The following FUBP3 variants were observed in gnomAD, a reference collection of about 807,000 sequenced individuals.
The protein encoded by FUBP3 is far upstream element-binding protein 3.
A neutral mutation model predicts 85.6 loss-of-function variants in FUBP3; 28 were observed. The ratio of observed to expected loss-of-function variants is 0.33; its 90% CI spans 0.24 to 0.45. The LOEUF (loss-of-function observed/expected upper bound fraction) is 0.45. Ranked by LOEUF, FUBP3 falls within the 20% of genes least tolerant of loss-of-function variation. The pLI is 1.00. For synonymous variants in FUBP3, 271 were observed against 271.4 expected (o/e 1.00, Z 0.01); for missense variants, 583 against 755.1 (o/e 0.77, Z 2.67).
At chr9:130,617,752 G>T in intron 7 of FUBP3, 45 bp from the exon 8 acceptor site, 1 of 1,163,844 alleles carries the variant, frequency 8.6e-7, no homozygotes, top group South Asian at 1.2e-5. Flanking sequence ...TGCATTTCAT[G>T]CCCTGCATTA....
At chr9:130,586,304 ATAAG>A (rs1308653567) in intron 1 of FUBP3, among the ~76,000 whole-genome samples, 1 of 152,266 alleles carries the variant, frequency 6.6e-6, no homozygotes, top group Non-Finnish European at 1.5e-5. Context: ...CAGTGCAAAG[ATAAG>A]TAAGACAAGT....
At chr9:130,603,804 G>A (rs571816782) in intron 2 of FUBP3, among the ~76,000 whole-genome samples, 1 of 152,302 alleles carries the variant, frequency 6.6e-6, no homozygotes, top group South Asian at 2.1e-4. Context: ...GGTTTCCAGA[G>A]TTCAACTTGA....
intron 1 of FUBP3, among the ~76,000 whole-genome samples, chr9:130,590,306 T>C (rs549016702): frequency 6.6e-6 from 1 of 152,320 alleles, no homozygotes; most frequent in South Asian, 2.1e-4. Context: ...CTTAAAGGTC[T>C]TGCCCAAGGT....
chr9:130,598,070 A>G (rs1830957662), intron 2 of FUBP3, among the ~76,000 whole-genome samples: 1 of 152,256 alleles, frequency 6.6e-6, no homozygotes, highest in African/African-American at 2.4e-5. Context: ...AATATAAATG[A>G]ACCCGAGGTT....
chr9:130,610,559 AC>A (rs1276946008), intron 3 of FUBP3, among the ~76,000 whole-genome samples: 1 of 152,222 alleles, frequency 6.6e-6, no homozygotes, highest in Non-Finnish European at 1.5e-5. Context: ...TTAGAGAGAT[AC>A]AGAAAGAGCC....
chr9:130,590,193 T>G (rs1830564350), intron 1 of FUBP3, among the ~76,000 whole-genome samples: 1 of 152,134 alleles, frequency 6.6e-6, no homozygotes, highest in Non-Finnish European at 1.5e-5. Context: ...TTAAAAACAT[T>G]CATCCGTGTA....
intron 9 of FUBP3, 64 bp from the exon 10 acceptor site, chr9:130,622,644 A>C: frequency 1.3e-6 from 1 of 763,570 alleles, no homozygotes; most frequent in African/African-American, 1.8e-5. Flanking sequence ...AAAAAAAAAA[A>C]AGTGCCCTTT....
Position 130,579,637 on chromosome 9 carries a change from C to G in FUBP3, c.-44C>G. The G allele has an allele frequency of 8.9e-7, 1 of 1,127,918 alleles. No homozygotes were observed. 69.9% of individuals were successfully genotyped at this position (1,127,918 alleles called of 1,614,324 possible). On this transcript the variant is annotated 5_prime_UTR_variant, in exon 1 of 19. Transcript: ENST00000319725. ...GCCGGACCGGGGAGCCGAGCGGCGG[C>G]GTCGGCGGCGTCGGCGGCGGCGGCG...
chr9:130,634,772 C>T (rs910635723), intron 17 of FUBP3, 34 bp downstream of exon 17: 1 of 1,510,288 alleles, frequency 6.6e-7, no homozygotes. Context: ...TGTGGCAGCA[C>T]AGTCCCCTCC....
rs1830933191 is a variant in FUBP3, at chr9:130,597,530, C to CT, written c.190+1943dup. The stretch of plus-strand genomic sequence containing the variant: ...ACTTTTCATCACGCCATCAGCAAGA[C>CT]TGTGAGCCTAGAAGGTGGCCAGGTA... On this transcript the variant is annotated intron_variant, in intron 2 of 18. Coordinates refer to ENST00000319725, the MANE Select transcript of FUBP3 (RefSeq NM_003934.2). 3.3e-5 allele frequency among the ~76,000 whole-genome samples: 5 copies of CT among 152,306 alleles called. No individual in the cohort carries two copies. In the South Asian group the frequency reaches 1.0e-3, roughly 32 times the overall value.
intron 2 of FUBP3, 28 bp from the exon 3 acceptor site, chr9:130,609,924 ATT>A: frequency 2.0e-6 from 3 of 1,508,634 alleles, no homozygotes; most frequent in African/African-American, 1.4e-5. Flanking sequence ...TAATGCTTTG[ATT>A]TTTTTTTTCT....
At position 130,630,960 on chromosome 9, in the gene FUBP3, G is replaced by A. The variant is rs41309962; in HGVS notation, c.1278+172G>A. On this transcript the variant is annotated intron_variant, in intron 13 of 18. Coordinates refer to ENST00000319725, the MANE Select transcript of FUBP3 (RefSeq NM_003934.2). ...AAGGGGAGGGTCGGAGACCCAGGGAGTGCCAGAGCCAGGCCCAGAAGCAAT... is the reference window on the plus strand; with the variant it reads ...AAGGGGAGGGTCGGAGACCCAGGGAATGCCAGAGCCAGGCCCAGAAGCAAT... 6.6e-3 allele frequency among the ~76,000 whole-genome samples: 1,004 copies of A among 152,290 alleles called. 10 individuals carry two copies. The highest frequency in any genetic ancestry group is 0.01 in the Middle Eastern group (3 of 294).
chr9:130,602,497 G>A (rs945944033), intron 2 of FUBP3, among the ~76,000 whole-genome samples: 5 of 152,112 alleles, frequency 3.3e-5, no homozygotes, highest in East Asian at 1.9e-4. Flanking sequence ...AAGTGCTAGC[G>A]GTGGTGAGAG....
chr9:130,637,146 A>G lies in FUBP3; in HGVS notation c.*124A>G, dbSNP rs939689691. The stretch of plus-strand genomic sequence containing the variant: ...CTGTTGTTTTGTTCTGTGAAACACT[A>G]TATTTAGATTAACGGAATTTTTCTA... On this transcript the variant is annotated 3_prime_UTR_variant, in exon 19 of 19. Transcript: ENST00000319725. 6.6e-6 allele frequency: 5 copies of G among 762,766 alleles called. No homozygotes were observed. Among genetic ancestry groups the G allele is most frequent in the African/African-American group, 5.2e-5 (3 of 57,234 alleles). The allele number at this position is 762,766 out of a possible 1,614,324, so 47.2% of individuals were successfully genotyped here. A position where few individuals can be genotyped will look rare whatever the true frequency, so the allele number is the denominator to read the frequency against.
At chr9:130,636,311 TG>T (rs1830417550) in intron 18 of FUBP3, 185 bp downstream of exon 18, 3 of 713,580 alleles carry the variant, frequency 4.2e-6, no homozygotes, top group Non-Finnish European at 7.5e-6. Context: ...CTCCTCGCTC[TG>T]GAGAAAAAGA....
intron 1 of FUBP3, among the ~76,000 whole-genome samples, chr9:130,589,705 A>ATTTTTTTTTTTT (rs779633795): frequency 1.8e-4 from 13 of 73,826 alleles, no homozygotes; most frequent in African/African-American, 6.2e-4. Context: ...ATATATATAT[A>ATTTTTTTTTTTT]TTTTTTTTTT....
intron 14 of FUBP3, 83 bp from the exon 15 acceptor site, chr9:130,631,859 C>A: frequency 9.4e-7 from 1 of 1,064,366 alleles, no homozygotes; most frequent in Non-Finnish European, 1.5e-6. Flanking sequence ...CCGACTGCCC[C>A]CTCAGTGCCC....
rs1221023266 is a variant in FUBP3 at position 130,579,806 on chromosome 9, C to T, written c.84+42C>T. On this transcript the variant is annotated intron_variant, in intron 1 of 18. Coordinates refer to ENST00000319725, the MANE Select transcript of FUBP3 (RefSeq NM_003934.2). The stretch of plus-strand genomic sequence containing the variant: ...CTGGCAGGAGCACGAGATCCCGAGG[C>T]GGGGCCTGGCGGGCGGGGAAGAGGG... 1.4e-5 allele frequency: 15 copies of T among 1,102,206 alleles called. No homozygotes were observed. The highest frequency in any genetic ancestry group is 1.7e-5 in the Non-Finnish European group (15 of 865,764). The allele number at this position is 1,102,206 out of a possible 1,614,324, so 68.3% of individuals were successfully genotyped here. A position where few individuals can be genotyped will look rare whatever the true frequency, so the allele number is the denominator to read the frequency against.
chr9:130,628,365 C>T (rs1408977326), intron 12 of FUBP3, among the ~76,000 whole-genome samples: 1 of 152,224 alleles, frequency 6.6e-6, no homozygotes, highest in Admixed American at 6.5e-5. Context: ...AATTGCTTTA[C>T]GATTTCACGT....
Sources: allele counts gnomAD v4.1 joint callset (sites outside exome capture counted in the v4.1 genomes callset), GRCh38; gene constraint gnomAD v4.1.1; transcripts MANE v1.5; gene names NCBI Gene and HGNC (gene_info 2026-07-23, HGNC 2026-07-21).